Variants in XKR9 observed in about 807,000 individuals in gnomAD.
The protein encoded by XKR9 is XK related 9, also known as XK-related protein 9.
In XKR9, 32 loss-of-function variants were observed where a neutral mutation model predicts 32.0. That is an observed-to-expected ratio of 1.00 (90% CI 0.76 to 1.34). The LOEUF (loss-of-function observed/expected upper bound fraction) is 1.34, where lower values mean the gene tolerates loss of function less well. XKR9 is among the 40% of genes most tolerant of loss of function. The probability of loss-of-function intolerance (pLI) is 0.00; values close to 1 mark genes in which losing one functional copy is unlikely to be tolerated. For missense variants in XKR9, 546 were observed against 429.7 expected (o/e 1.27, Z -2.39); for synonymous variants, 168 against 143.4 (o/e 1.17, Z -1.22).
At chr8:70,681,684 C>T (rs2132112444) in intron 3 of XKR9, among the ~76,000 whole-genome samples, 1 of 152,116 alleles carries the variant, frequency 6.6e-6, no homozygotes, top group East Asian at 1.9e-4. Context: ...AGAGTACTCA[C>T]TTTTTTGATA....
chr8:70,979,549 C>T, the XKR9 span, among the ~76,000 whole-genome samples: 1 of 152,178 alleles, frequency 6.6e-6, no homozygotes, highest in African/African-American at 2.4e-5. Context: ...ACTCTGTTTT[C>T]CTGGGTATCT....
chr8:70,863,345 C>T, the XKR9 span, among the ~76,000 whole-genome samples: 1 of 152,164 alleles, frequency 6.6e-6, no homozygotes, highest in Non-Finnish European at 1.5e-5. Context: ...TACAAAAAAT[C>T]AGTCTAAAGG....
At chr8:70,696,123 T>G (rs1231147783) in intron 3 of XKR9, among the ~76,000 whole-genome samples, 5 of 151,794 alleles carry the variant, frequency 3.3e-5, no homozygotes, top group African/African-American at 1.2e-4. Context: ...TTTCTCCCAT[T>G]TTGTAGGTTG....
chr8:70,979,236 T>G, the XKR9 span, among the ~76,000 whole-genome samples: 2 of 152,214 alleles, frequency 1.3e-5, no homozygotes. Flanking sequence ...AGCCTACTTC[T>G]GTCAACTCGT....
chr8:71,012,088 GCTA>G, the XKR9 span, among the ~76,000 whole-genome samples: 1 of 152,146 alleles, frequency 6.6e-6, no homozygotes. Context: ...TGTTTATTGT[GCTA>G]CTGTTCCGTA....
chr8:71,056,962 G>A, the XKR9 span, among the ~76,000 whole-genome samples: 1 of 152,084 alleles, frequency 6.6e-6, no homozygotes, highest in Non-Finnish European at 1.5e-5. Context: ...GTTGGCAAAT[G>A]GTTTCAACTC....
At chr8:70,996,637 A>G in the XKR9 span, among the ~76,000 whole-genome samples, 1 of 152,256 alleles carries the variant, frequency 6.6e-6, no homozygotes, top group Admixed American at 6.5e-5. Flanking sequence ...TGGATATGCC[A>G]TCATAACATT....
chr8:70,993,651 TTCCTTCCTTCCTTCCTTCCTCCC>T, the XKR9 span, among the ~76,000 whole-genome samples: 2 of 124,284 alleles, frequency 1.6e-5, no homozygotes, highest in African/African-American at 5.9e-5. Flanking sequence ...CCTTCCTTCC[TTCCTTCCTTCCTTCCTTCCTCCC>T]ATCCTTCCTT....
At chr8:71,025,791 A>G in the XKR9 span, among the ~76,000 whole-genome samples, 1 of 152,184 alleles carries the variant, frequency 6.6e-6, no homozygotes, top group Middle Eastern at 3.2e-3. Flanking sequence ...TCCCTTGAAC[A>G]TCACCAATCC....
chr8:70,822,086 G>T, the XKR9 span, among the ~76,000 whole-genome samples: 1 of 151,830 alleles, frequency 6.6e-6, no homozygotes, highest in Non-Finnish European at 1.5e-5. Context: ...ATCTATATTT[G>T]CAGGAATATT....
the XKR9 span, among the ~76,000 whole-genome samples, chr8:70,836,385 G>C: frequency 6.6e-6 from 1 of 152,006 alleles, no homozygotes; most frequent in Non-Finnish European, 1.5e-5. Flanking sequence ...TGTTCTGTGT[G>C]TGTGTATTTA....
chr8:70,840,686 G>A, the XKR9 span, among the ~76,000 whole-genome samples: 96 of 152,224 alleles, frequency 6.3e-4, no homozygotes, highest in African/African-American at 2.3e-3. Context: ...TCCCTGAGAG[G>A]CCTGTGCATC....
chr8:70,901,360 G>A, the XKR9 span, among the ~76,000 whole-genome samples: 5 of 152,330 alleles, frequency 3.3e-5, no homozygotes, highest in African/African-American at 1.2e-4. Flanking sequence ...TCTAACTGGT[G>A]TGAGATGGTA....
chr8:70,845,685 A>G, the XKR9 span, among the ~76,000 whole-genome samples: 2 of 152,284 alleles, frequency 1.3e-5, no homozygotes, highest in South Asian at 4.1e-4. Context: ...ACTAGAGCAA[A>G]CAGAAGAAGC....
At chr8:71,060,440 A>T in the XKR9 span, among the ~76,000 whole-genome samples, 1 of 152,100 alleles carries the variant, frequency 6.6e-6, no homozygotes, top group Admixed American at 6.5e-5. Flanking sequence ...ATCTTCACTC[A>T]CCCACCCTGA....
At position 70,721,721 on chromosome 8, in the gene XKR9, A is replaced by G. The variant is rs546754979; in HGVS notation, c.494-12075A>G. 3.6e-4 allele frequency among the ~76,000 whole-genome samples: 55 copies of G among 152,258 alleles called. 1 individual carries two copies. The highest frequency in any genetic ancestry group is 1.2e-3 in the African/African-American group (49 of 41,542). ...TTTCCTGAGGAGGGTTTCGCTTCCA[A>G]TTATGTTGTCGATTTTAGAATAAGT... On this transcript the variant is annotated intron_variant, in intron 4 of 4. Coordinates refer to ENST00000408926, the MANE Select transcript of XKR9 (RefSeq NM_001011720.2).
the XKR9 span, among the ~76,000 whole-genome samples, chr8:70,901,378 G>A: frequency 3.3e-5 from 5 of 152,178 alleles, no homozygotes; most frequent in African/African-American, 1.2e-4. Context: ...GTATCTCATT[G>A]TGGTTTTGAT....
the XKR9 span, among the ~76,000 whole-genome samples, chr8:70,970,129 T>G: frequency 6.6e-6 from 1 of 152,234 alleles, no homozygotes; most frequent in Non-Finnish European, 1.5e-5. Context: ...TCCATTTTCT[T>G]TATCAGCTCG....
chr8:71,057,283 T>C, the XKR9 span, among the ~76,000 whole-genome samples: 3 of 152,186 alleles, frequency 2.0e-5, no homozygotes, highest in Non-Finnish European at 4.4e-5. Context: ...GATGAGCATG[T>C]CATTTGTTCA....
Sources: gnomAD v4.1 joint callset for allele counts (sites outside exome capture counted in the v4.1 genomes callset) on GRCh38, gnomAD v4.1.1 for gene constraint, MANE v1.5 for transcripts, NCBI Gene and HGNC (gene_info 2026-07-23, HGNC 2026-07-21) for gene names.